Variants in DLGAP2 observed in about 807,000 individuals in gnomAD.
DLGAP2 encodes disks large-associated protein 2.
DLGAP2 carries 26 observed loss-of-function variants against 100.3 expected under a neutral mutation model. The ratio of observed to expected loss-of-function variants is 0.26; its 90% CI spans 0.19 to 0.36. The LOEUF (loss-of-function observed/expected upper bound fraction) is 0.36. Ranked by LOEUF, DLGAP2 falls within the 10% of genes least tolerant of loss-of-function variation. DLGAP2 has a pLI of 1.00. For synonymous variants in DLGAP2, 886 were observed against 630.1 expected (o/e 1.41, Z -6.08); for missense variants, 1,858 against 1,453.2 (o/e 1.28, Z -4.53).
chr8:1,115,921 A>G (rs1805101168), intron 2 of DLGAP2, among the ~76,000 whole-genome samples: 1 of 152,234 alleles, frequency 6.6e-6, no homozygotes, highest in Non-Finnish European at 1.5e-5. Flanking sequence ...GTGATGGGAC[A>G]TAATGGGCCT....
intron 2 of DLGAP2, among the ~76,000 whole-genome samples, chr8:1,041,201 C>G (rs974064624): frequency 6.6e-6 from 1 of 152,144 alleles, no homozygotes; most frequent in Non-Finnish European, 1.5e-5. Flanking sequence ...AAGTCCCCAC[C>G]CATGTTGTAT....
chr8:1,075,637 A>G (rs1020635082), intron 2 of DLGAP2, among the ~76,000 whole-genome samples: 2 of 152,194 alleles, frequency 1.3e-5, no homozygotes, highest in Non-Finnish European at 2.9e-5. Flanking sequence ...GACGTCCTTG[A>G]TGACCACTTG....
At chr8:1,296,680 C>T (rs1463669243) in intron 3 of DLGAP2, among the ~76,000 whole-genome samples, 1 of 152,220 alleles carries the variant, frequency 6.6e-6, no homozygotes, top group Non-Finnish European at 1.5e-5. Context: ...GAGAACACAG[C>T]CCTTTCCTCC....
intron 1 of DLGAP2, among the ~76,000 whole-genome samples, chr8:804,436 C>A (rs534294911): frequency 1.2e-4 from 18 of 152,300 alleles, no homozygotes; most frequent in African/African-American, 4.1e-4. Context: ...GCACCAGATA[C>A]GTACTTCTGT....
At chr8:772,196 C>T (rs748491140) in intron 1 of DLGAP2, among the ~76,000 whole-genome samples, 50 of 152,232 alleles carry the variant, frequency 3.3e-4, no homozygotes, top group Non-Finnish European at 6.0e-4. Context: ...CCACTGTGCC[C>T]AGCCTCATCT....
chr8:1,216,465 C>T (rs1373017546), intron 2 of DLGAP2, among the ~76,000 whole-genome samples: 1 of 151,856 alleles, frequency 6.6e-6, no homozygotes, highest in Non-Finnish European at 1.5e-5. Context: ...CCTCCCTCTT[C>T]AACCTCCCAC....
chr8:1,166,851 T>C (rs1797026816), intron 2 of DLGAP2, among the ~76,000 whole-genome samples: 1 of 152,156 alleles, frequency 6.6e-6, no homozygotes, highest in Non-Finnish European at 1.5e-5. Context: ...ATAATGATAA[T>C]ACTATATTTA....
In DLGAP2 at chr8:1,370,523, A is replaced by AT. The variant is rs1439434120; in HGVS notation, c.106+111643dup. 5.3e-5 allele frequency among the ~76,000 whole-genome samples: 8 copies of AT among 152,176 alleles called. No homozygotes were observed. In the East Asian group the frequency reaches 5.8e-4, roughly 11 times the overall value. ...CATCTATACTTAAGTAACAAGTCACATTTCTTTTGTGTTTCATTTGCTTAA... is the reference window on the plus strand; with the variant it reads ...CATCTATACTTAAGTAACAAGTCACATTTTCTTTTGTGTTTCATTTGCTTAA... On this transcript the variant is annotated intron_variant, in intron 3 of 14. Coordinates refer to ENST00000637795, the MANE Select transcript of DLGAP2 (RefSeq NM_001346810.2).
intron 2 of DLGAP2, among the ~76,000 whole-genome samples, chr8:1,055,417 T>G (rs1404847622): frequency 6.6e-6 from 1 of 152,210 alleles, no homozygotes; most frequent in African/African-American, 2.4e-5. Context: ...ATTAATGTAA[T>G]AAGATATCTA....
At chr8:1,426,787 C>T (rs943433832) in intron 3 of DLGAP2, among the ~76,000 whole-genome samples, 1 of 152,070 alleles carries the variant, frequency 6.6e-6, no homozygotes, top group African/African-American at 2.4e-5. Flanking sequence ...AAATTCCCAC[C>T]TAAAATCTCA....
At position 1,193,878 on chromosome 8, in the gene DLGAP2, G is replaced by C. The variant is rs373354090; in HGVS notation, c.74-64973G>C. On this transcript the variant is annotated intron_variant, in intron 2 of 14. Coordinates refer to ENST00000637795, the MANE Select transcript of DLGAP2 (RefSeq NM_001346810.2). ...TCGGCCTCTAGAGCCTCCGCACCGC[G>C]CCGCCCCCGCCTCCTGTCCCCAGCC... Among the ~76,000 whole-genome samples the C allele has an allele frequency of 3.3e-5, 5 of 152,194 alleles. No individual in the cohort carries two copies. The East Asian group carries it at 9.7e-4, about 30-fold the overall frequency.
At chr8:1,508,132 G>C (rs1799998342) in intron 4 of DLGAP2, among the ~76,000 whole-genome samples, 1 of 151,826 alleles carries the variant, frequency 6.6e-6, no homozygotes. Context: ...TTTAAAGTTA[G>C]ACACATCTAA....
At position 1,346,056 on chromosome 8, in the gene DLGAP2, C is replaced by T. The variant is rs913700019; in HGVS notation, c.106+87173C>T. Among the ~76,000 whole-genome samples the T allele has an allele frequency of 4.6e-5, 7 of 152,354 alleles. No individual in the cohort carries two copies. In the East Asian group the frequency reaches 1.4e-3, roughly 29 times the overall value. On this transcript the variant is annotated intron_variant, in intron 3 of 14. Transcript: ENST00000637795. ...CAATGCCCACGCCATGGGCACTGTG[C>T]TCATGGTGGCTGAGTGGAGGTTGAG...
intron 3 of DLGAP2, among the ~76,000 whole-genome samples, chr8:1,284,208 G>A (rs1799877313): frequency 6.6e-6 from 1 of 152,184 alleles, no homozygotes; most frequent in African/African-American, 2.4e-5. Context: ...GGTTGCCAGT[G>A]GTCATTTAAG....
intron 5 of DLGAP2, among the ~76,000 whole-genome samples, chr8:1,551,469 G>A (rs904885442): frequency 3.3e-5 from 5 of 152,094 alleles, no homozygotes; most frequent in African/African-American, 9.7e-5. Flanking sequence ...CTCCAGCTGC[G>A]CCTTCTCCAC....
chr8:867,741 C>T (rs184690352), intron 1 of DLGAP2, among the ~76,000 whole-genome samples: 7 of 152,268 alleles, frequency 4.6e-5, no homozygotes, highest in South Asian at 2.1e-4. Context: ...TTTCTCAGTG[C>T]GTAATTCCTG....
chr8:1,448,538 T>TGGTGC, intron 3 of DLGAP2, among the ~76,000 whole-genome samples: 1 of 152,320 alleles, frequency 6.6e-6, no homozygotes, highest in East Asian at 1.9e-4. Context: ...AGGTGTGGTG[T>TGGTGC]GGTGCTGAAA....
intron 3 of DLGAP2, among the ~76,000 whole-genome samples, chr8:1,309,738 A>T (rs993485621): frequency 3.3e-5 from 5 of 152,268 alleles, no homozygotes; most frequent in African/African-American, 1.2e-4. Context: ...ACAGAAATTA[A>T]AAGATGAATG....
intron 3 of DLGAP2, among the ~76,000 whole-genome samples, chr8:1,344,128 G>GTGGGTCCGTGTACTTGGGGCCCTGTCC (rs796939650): frequency 1.2e-4 from 13 of 108,008 alleles, no homozygotes; most frequent in African/African-American, 2.2e-4. Flanking sequence ...GGGCCCTGTC[G>GTGGGTCCGTGTACTTGGGGCCCTGTCC]TGGGTCCGTG....
Sources: gnomAD v4.1 joint callset for allele counts (sites outside exome capture counted in the v4.1 genomes callset) on GRCh38, gnomAD v4.1.1 for gene constraint, MANE v1.5 for transcripts, NCBI Gene and HGNC (gene_info 2026-07-23, HGNC 2026-07-21) for gene names.